Variants in EIF4H observed in about 807,000 individuals in gnomAD.
EIF4H encodes the protein eukaryotic translation initiation factor 4H, also known as Williams-Beuren syndrome chromosome region 1.
A neutral mutation model predicts 30.6 loss-of-function variants in EIF4H; 8 were observed. That is an observed-to-expected ratio of 0.26 (90% confidence interval 0.15 to 0.47). The LOEUF (loss-of-function observed/expected upper bound fraction) is 0.47. EIF4H is among the 20% of genes least tolerant of loss of function. EIF4H has a pLI of 0.99. For missense variants in EIF4H, 188 were observed against 339.5 expected (o/e 0.55, Z 3.51); for synonymous variants, 106 against 122.7 (o/e 0.86, Z 0.90).
intron 1 of EIF4H, among the ~76,000 whole-genome samples, chr7:74,187,070 T>C (rs1472160453): frequency 6.6e-6 from 1 of 152,136 alleles, no homozygotes; most frequent in Non-Finnish European, 1.5e-5. Flanking sequence ...GCTTAGGTTT[T>C]AGGATGTAAA....
At chr7:74,194,159 C>T (rs1554710379) in intron 5 of EIF4H, among the ~76,000 whole-genome samples, 1 of 152,224 alleles carries the variant, frequency 6.6e-6, no homozygotes, top group African/African-American at 2.4e-5. Context: ...GCTCATGCCC[C>T]TCTGTGTAGG....
Position 74,174,365 on chromosome 7 carries a change from C to G in EIF4H, c.-19C>G. On this transcript the variant is annotated 5_prime_UTR_variant, in exon 1 of 7. Transcript: ENST00000265753. ...TCCTTCCTCGCTCACCCTGGTTCCT[C>G]TCGGAGCGGAGACGGCAAATGGCGG... 6.9e-7 allele frequency: 1 copy of G among 1,445,514 alleles called. No homozygotes were observed. The highest frequency in any genetic ancestry group is 9.2e-7 in the Non-Finnish European group (1 of 1,084,758). The allele number at this position is 1,445,514 out of a possible 1,614,324, so 89.5% of individuals were successfully genotyped here.
Position 74,195,498 on chromosome 7 carries a change from C to T in EIF4H, c.*190C>T. 1.9e-6 allele frequency: 1 copy of T among 537,268 alleles called. No homozygotes were observed. Among genetic ancestry groups the T allele is most frequent in the Non-Finnish European group, 3.2e-6 (1 of 310,520 alleles). 33.3% of individuals were successfully genotyped at this position (537,268 alleles called of 1,614,324 possible). A position where few individuals can be genotyped will look rare whatever the true frequency, so the allele number is the denominator to read the frequency against. ...TAGTACATTCTGGGCTTTGCTGTAT[C>T]TATCTAGTGCCTGTTTGTGCGTTTT... On this transcript the variant is annotated 3_prime_UTR_variant, in exon 7 of 7. Transcript: ENST00000265753.
Position 74,194,944 on chromosome 7 carries a change from C to T in EIF4H, c.607+66C>T, listed in dbSNP as rs111695809. The T allele has an allele frequency of 6.4e-5, 99 of 1,538,922 alleles. No homozygotes were observed. The South Asian group carries it at 1.2e-3, about 18-fold the overall frequency. ...GGGATGATCATGGCCGGTTCACACC[C>T]CGTGGGGACTTGGCGTTCTACGGCA... On this transcript the variant is annotated intron_variant, in intron 6 of 6. Transcript: ENST00000265753.
chr7:74,186,371 A>G (rs1474620766), intron 1 of EIF4H, among the ~76,000 whole-genome samples: 2 of 151,744 alleles, frequency 1.3e-5, no homozygotes, highest in East Asian at 1.9e-4. Flanking sequence ...GCACCACCAC[A>G]CCAAGCTAAT....
In EIF4H at chr7:74,174,763, C is replaced by T. The variant is rs190040277; in HGVS notation, c.59+321C>T. Among the ~76,000 whole-genome samples, 164 of 152,378 alleles carry T rather than the reference C, an allele frequency of 1.1e-3. 1 individual carries two copies. In the Middle Eastern group the frequency reaches 0.024, roughly 22 times the overall value. ...AGCGCCCGCTTCCAGCCCCATCCCCCCTACGGTAGGACCAGTGCGGGGCTG... is the reference window on the plus strand; with the variant it reads ...AGCGCCCGCTTCCAGCCCCATCCCCTCTACGGTAGGACCAGTGCGGGGCTG... On this transcript the variant is annotated intron_variant, in intron 1 of 6. Transcript: ENST00000265753.
In EIF4H at chr7:74,195,184, G is replaced by A; in HGVS notation, c.623G>A (p.Arg208Lys). 6.2e-7 allele frequency: 1 copy of A among 1,613,912 alleles called. No individual in the cohort carries two copies. The highest frequency in any genetic ancestry group is 8.5e-7 in the Non-Finnish European group (1 of 1,179,838). The change falls in exon 7 of 7, where the codon AGA (arginine) becomes AAA (lysine). Residue 208 changes from arginine (R) to lysine (K), a missense_variant. Around this residue, in one of 4 missense-constraint regions of EIF4H, gnomAD observed 17 missense variants for 66.4 expected, o/e 0.26. Coordinates refer to ENST00000265753, the MANE Select transcript of EIF4H (RefSeq NM_022170.2). ...REPTEEERAQRPRLQLKPRTV... is the reference protein window; with the variant it reads ...REPTEEERAQKPRLQLKPRTV... ...TCTCCCCCAGAGGAAAGAGCACAGA[G>A]ACCACGACTCCAGCTTAAACCTCGA...
chr7:74,181,103 C>T (rs917603596), intron 1 of EIF4H, among the ~76,000 whole-genome samples: 1 of 152,162 alleles, frequency 6.6e-6, no homozygotes, highest in Non-Finnish European at 1.5e-5. Context: ...ACCATTGCCA[C>T]TATCTAGTTC....
intron 5 of EIF4H, among the ~76,000 whole-genome samples, chr7:74,194,003 C>G (rs576498683): frequency 6.6e-6 from 1 of 152,344 alleles, no homozygotes; most frequent in African/African-American, 2.4e-5. Flanking sequence ...ACTCTTTCCT[C>G]CTACACACCA....
intron 1 of EIF4H, among the ~76,000 whole-genome samples, chr7:74,177,011 G>A (rs1303364823): frequency 6.6e-6 from 1 of 152,328 alleles, no homozygotes; most frequent in African/African-American, 2.4e-5. Flanking sequence ...CTGAGAATTA[G>A]GGTGGAAATT....
rs782436965 is a variant in EIF4H, at chr7:74,189,695, T to C, written c.270T>C (p.Asp90=). 27 of 1,614,050 alleles carry C rather than the reference T, an allele frequency of 1.7e-5. No homozygotes were observed. Among genetic ancestry groups the C allele is most frequent in the Non-Finnish European group, 2.0e-5 (24 of 1,180,038 alleles). Reference sequence around the variant, plus strand: ...CAGGATTCTGCTATGTAGAATTCGATGAAGTGGATTCCCTTAAGGAAGCCT... The same window carrying C: ...CAGGATTCTGCTATGTAGAATTCGACGAAGTGGATTCCCTTAAGGAAGCCT... ...KFKGFCYVEF[D]EVDSLKEALT... Residue 90 remains aspartate, a synonymous_variant, in exon 3 of 7, where the codon GAT becomes GAC. Coordinates refer to ENST00000265753, the MANE Select transcript of EIF4H (RefSeq NM_022170.2).
At chr7:74,176,672 A>C (rs1584171133) in intron 1 of EIF4H, among the ~76,000 whole-genome samples, 1 of 152,288 alleles carries the variant, frequency 6.6e-6, no homozygotes, top group African/African-American at 2.4e-5. Context: ...TCCTAAGTTT[A>C]TTTCGTAGTT....
intron 5 of EIF4H, among the ~76,000 whole-genome samples, chr7:74,192,593 G>A (rs1212834488): frequency 1.3e-5 from 2 of 151,590 alleles, no homozygotes; most frequent in East Asian, 1.9e-4. Context: ...GAATGAGCCC[G>A]TGCGGTGCTG....
chr7:74,194,761 G>C lies in EIF4H; in HGVS notation c.490G>C (p.Gly164Arg). ...FNSGFRDDFLGGRGGSRPGDR... is the reference protein window; with the variant it reads ...FNSGFRDDFLRGRGGSRPGDR... ...CTCAGGCTTCAGGGATGACTTCTTA[G>C]GGGGCAGGGGAGGTAGTCGCCCAGG... The change falls in exon 6 of 7, where the codon GGG (glycine) becomes CGG (arginine). Residue 164 changes from glycine (G) to arginine (R), a missense_variant. By Grantham distance (125) the Gly-to-Arg change is moderately radical (BLOSUM62 -2). Around this residue, in one of 4 missense-constraint regions of EIF4H, gnomAD observed 76 missense variants for 85.8 expected, o/e 0.89. Transcript: ENST00000265753. The C allele has an allele frequency of 6.3e-7, 1 of 1,592,662 alleles. No homozygotes were observed.
At chr7:74,185,619 C>A (rs375754930) in intron 1 of EIF4H, among the ~76,000 whole-genome samples, 40 of 151,838 alleles carry the variant, frequency 2.6e-4, no homozygotes, top group African/African-American at 9.2e-4. Flanking sequence ...GACCCTTCTA[C>A]TTTAGAAAAA....
intron 5 of EIF4H, among the ~76,000 whole-genome samples, chr7:74,192,765 C>T (rs1313313677): frequency 6.6e-6 from 1 of 150,674 alleles, no homozygotes; most frequent in Admixed American, 6.6e-5. Flanking sequence ...GCAATCTCCG[C>T]CTCCAGGGTT....
Position 74,174,438 on chromosome 7 carries a change from A to G in EIF4H, c.55A>G (p.Arg19Gly). ...DRAYSSFGGG[R>G]GSRGSAGGHG... ...GGCCTACAGCAGCTTCGGCGGCGGC[A>G]GAGGGTGAGGCGGGCGTGCGCGGGC... The change falls in exon 1 of 7, where the codon AGA (arginine) becomes GGA (glycine). Residue 19 changes from arginine (R) to glycine (G), a missense_variant. Coordinates refer to ENST00000265753, the MANE Select transcript of EIF4H (RefSeq NM_022170.2). The G allele has an allele frequency of 6.9e-7, 1 of 1,441,184 alleles. No homozygotes were observed. Among genetic ancestry groups the G allele is most frequent in the South Asian group, 1.4e-5 (1 of 69,308 alleles). The allele number at this position is 1,441,184 out of a possible 1,614,324, so 89.3% of individuals were successfully genotyped here.
chr7:74,189,734 T>A lies in EIF4H; in HGVS notation c.309T>A (p.Gly103=). ...TTAAGGAAGCCTTGACATACGATGG[T>A]GCAGTAAGTATCCTCGGGTTTTCTC... ...DSLKEALTYD[G]ALLGDRSLRV... Residue 103 remains glycine (G), a synonymous_variant, in exon 3 of 7, where the codon GGT becomes GGA. Transcript: ENST00000265753. 6.2e-7 allele frequency: 1 copy of A among 1,614,250 alleles called. No homozygotes were observed. Among genetic ancestry groups the A allele is most frequent in the Non-Finnish European group, 8.5e-7 (1 of 1,180,040 alleles).
At chr7:74,183,093 T>TGG (rs1801000472) in intron 1 of EIF4H, among the ~76,000 whole-genome samples, 1 of 152,228 alleles carries the variant, frequency 6.6e-6, no homozygotes, top group Non-Finnish European at 1.5e-5. Flanking sequence ...TTCATAGACA[T>TGG]GCAGATACGT....
Sources: gnomAD v4.1 joint callset for allele counts (sites outside exome capture counted in the v4.1 genomes callset) on GRCh38, gnomAD v4.1.1 for gene constraint, gnomAD v4.1.1 regional missense constraint, MANE v1.5 for transcripts, NCBI Gene and HGNC (gene_info 2026-07-23, HGNC 2026-07-21) for gene names.